Variants in LRCH1 observed in about 807,000 individuals in gnomAD.
LRCH1 encodes leucine-rich repeat and calponin homology domain-containing protein 1.
LRCH1 carries 23 observed loss-of-function variants against 94.9 expected under a neutral mutation model. That is an observed-to-expected ratio of 0.24 (90% CI 0.17 to 0.34). The LOEUF (loss-of-function observed/expected upper bound fraction) is 0.34. Ranked by LOEUF, LRCH1 falls within the 10% of genes least tolerant of loss-of-function variation. The probability of loss-of-function intolerance (pLI) is 1.00; values close to 1 mark genes in which losing one functional copy is unlikely to be tolerated. For missense variants in LRCH1, 790 were observed against 945.9 expected (o/e 0.84, Z 2.16); for synonymous variants, 364 against 354.9 (o/e 1.03, Z -0.29).
intron 1 of LRCH1, among the ~76,000 whole-genome samples, chr13:46,597,054 T>C (rs1195335469): frequency 6.6e-6 from 1 of 152,226 alleles, no homozygotes; most frequent in Non-Finnish European, 1.5e-5. Flanking sequence ...GAATTCTGTA[T>C]CTGTGAAATT....
intron 19 of LRCH1, among the ~76,000 whole-genome samples, chr13:46,740,505 C>T (rs1230721161): frequency 6.6e-6 from 1 of 152,138 alleles, no homozygotes; most frequent in Non-Finnish European, 1.5e-5. Context: ...TTCAGTCACT[C>T]CATGATGTGC....
At chr13:46,576,587 G>A (rs1459306822) in intron 1 of LRCH1, among the ~76,000 whole-genome samples, 2 of 152,144 alleles carry the variant, frequency 1.3e-5, no homozygotes, top group South Asian at 2.1e-4. Context: ...GGTGTCCTTC[G>A]GAATATTGGA....
intron 1 of LRCH1, among the ~76,000 whole-genome samples, chr13:46,619,104 CTTCCTTCCT>C (rs1361362783): frequency 0.023 from 1,288 of 55,904 alleles, 27 homozygotes; most frequent in African/African-American, 0.099. Context: ...TCCTTCCTTC[CTTCCTTCCT>C]TTTTTTTGGT....
At chr13:46,730,011 A>G (rs1873020598) in intron 18 of LRCH1, among the ~76,000 whole-genome samples, 1 of 152,220 alleles carries the variant, frequency 6.6e-6, no homozygotes, top group Non-Finnish European at 1.5e-5. Context: ...CATGTTGTGA[A>G]CTAGAAGAGA....
At chr13:46,705,419 A>G (rs766144330) in intron 13 of LRCH1, 115 bp downstream of exon 13, 3 of 953,488 alleles carry the variant, frequency 3.1e-6, no homozygotes, top group South Asian at 1.3e-5. Context: ...AATGAGGCCA[A>G]TATTCAGATT....
rs1555269134 is a variant in LRCH1, at chr13:46,573,845, A to AATATAT, written c.307+20159_307+20164dup. 1.5e-3 allele frequency among the ~76,000 whole-genome samples: 120 copies of AATATAT among 77,990 alleles called. 3 individuals carry two copies. Among genetic ancestry groups the AATATAT allele is most frequent in the African/African-American group, 5.0e-3 (115 of 22,880 alleles). 51.2% of individuals were successfully genotyped at this position (77,990 alleles called of 152,430 possible). On this transcript the variant is annotated intron_variant, in intron 1 of 19. Coordinates refer to ENST00000389797, the MANE Select transcript of LRCH1 (RefSeq NM_001164211.2). ...TAGCACAACAGGGTGACTATAGTCAAATATATATATATATATATATATTTT... is the reference window on the plus strand; with the variant it reads ...TAGCACAACAGGGTGACTATAGTCAAATATATATATATATATATATATATATATTTT...
intron 4 of LRCH1, among the ~76,000 whole-genome samples, chr13:46,685,051 A>G (rs74079168): frequency 1.6e-3 from 248 of 152,280 alleles, no homozygotes; most frequent in African/African-American, 5.4e-3. Flanking sequence ...TTTAAAGCGC[A>G]ATATTCCATC....
chr13:46,633,588 G>A (rs951840292), intron 1 of LRCH1, among the ~76,000 whole-genome samples: 1 of 152,164 alleles, frequency 6.6e-6, no homozygotes. Context: ...AAAGAGACAG[G>A]CATTGGCCTC....
chr13:46,632,452 A>T (rs1469025707), intron 1 of LRCH1, among the ~76,000 whole-genome samples: 1 of 152,212 alleles, frequency 6.6e-6, no homozygotes, highest in East Asian at 1.9e-4. Flanking sequence ...AACACTGGAT[A>T]ATTTTTTCAT....
intron 1 of LRCH1, among the ~76,000 whole-genome samples, chr13:46,592,162 C>T (rs765277181): frequency 3.3e-5 from 5 of 152,140 alleles, no homozygotes; most frequent in East Asian, 1.9e-4. Context: ...TACGGCGCCT[C>T]GTGGAGGACT....
Position 46,741,771 on chromosome 13 carries a change from A to G in LRCH1, c.2215A>G (p.Ile739Val), listed in dbSNP as rs142950666. 1.9e-6 allele frequency: 3 copies of G among 1,614,082 alleles called. No individual in the cohort carries two copies. In the African/African-American group the frequency reaches 4.0e-5, roughly 22 times the overall value. ...TTCTGCCCTCCGCTCCAGGGACCTT[A>G]TAGGCTTCTGTCTTGTCCATATTCT... ...PTSALRSRDL[I>V]GFCLVHILFI... Residue 739 changes from isoleucine (I) to valine (V), a missense_variant, in exon 20 of 20, where the codon ATA becomes GTA. By Grantham distance (29) the Ile-to-Val change is conservative. Coordinates refer to ENST00000389797, the MANE Select transcript of LRCH1 (RefSeq NM_001164211.2).
At chr13:46,678,496 G>A (rs558378186) in intron 3 of LRCH1, among the ~76,000 whole-genome samples, 1 of 152,290 alleles carries the variant, frequency 6.6e-6, no homozygotes, top group South Asian at 2.1e-4. Flanking sequence ...GTCAGGACAG[G>A]AAGTAATTGA....
intron 1 of LRCH1, among the ~76,000 whole-genome samples, chr13:46,598,328 G>A (rs956699471): frequency 1.3e-4 from 20 of 151,564 alleles, no homozygotes; most frequent in African/African-American, 4.6e-4. Context: ...TGGCCCTCTT[G>A]CAGCCAGGGT....
chr13:46,667,847 A>C (rs1448363734), intron 2 of LRCH1, among the ~76,000 whole-genome samples: 1 of 152,220 alleles, frequency 6.6e-6, no homozygotes, highest in Admixed American at 6.5e-5. Flanking sequence ...AAAACCATCC[A>C]TTGTACCTAT....
intron 3 of LRCH1, 118 bp from the exon 4 acceptor site, chr13:46,681,623 T>TATA (rs2138142174): frequency 1.4e-6 from 1 of 724,758 alleles, no homozygotes; most frequent in Admixed American, 2.2e-5. Context: ...TGGAGATGAA[T>TATA]ATAAAAGTGT....
chr13:46,597,361 CT>C lies in LRCH1; in HGVS notation c.307+43671del, dbSNP rs767264011. On this transcript the variant is annotated intron_variant, in intron 1 of 19. Coordinates refer to ENST00000389797, the MANE Select transcript of LRCH1 (RefSeq NM_001164211.2). ...AGGGCTAAAGAACTGTCCAGTAGGA[CT>C]TTTTTTTTTTTTAGATGGAGTCTTA... is the stretch of plus-strand genomic sequence containing the variant. 3.0e-3 allele frequency among the ~76,000 whole-genome samples: 431 copies of C among 142,886 alleles called. 1 individual carries two copies. The highest frequency in any genetic ancestry group is 3.6e-3 in the Middle Eastern group (1 of 280). The allele number at this position is 142,886 out of a possible 152,430, so 93.7% of individuals were successfully genotyped here.
At chr13:46,632,076 G>A (rs1327601700) in intron 1 of LRCH1, among the ~76,000 whole-genome samples, 1 of 152,074 alleles carries the variant, frequency 6.6e-6, no homozygotes, top group Non-Finnish European at 1.5e-5. Flanking sequence ...AGTGGTGCAT[G>A]CCTGTAGTCC....
intron 1 of LRCH1, among the ~76,000 whole-genome samples, chr13:46,557,746 G>A (rs544919228): frequency 1.3e-5 from 2 of 152,182 alleles, no homozygotes; most frequent in South Asian, 2.1e-4. Flanking sequence ...AGGAGGCTGA[G>A]GTGGGAGAAT....
At chr13:46,596,697 CTG>C (rs1488249368) in intron 1 of LRCH1, among the ~76,000 whole-genome samples, 1 of 152,164 alleles carries the variant, frequency 6.6e-6, no homozygotes, top group Non-Finnish European at 1.5e-5. Context: ...CTTCTGGAGA[CTG>C]TGGGAAATCC....
Sources: allele counts gnomAD v4.1 joint callset (sites outside exome capture counted in the v4.1 genomes callset), GRCh38; gene constraint gnomAD v4.1.1; transcripts MANE v1.5; gene names NCBI Gene and HGNC (gene_info 2026-07-23, HGNC 2026-07-21).